Variants in NEMP2 observed in about 807,000 individuals in gnomAD.
NEMP2 encodes the protein nuclear envelope integral membrane protein 2.
NEMP2 carries 53 observed loss-of-function variants against 54.2 expected under a neutral mutation model. The ratio of observed to expected loss-of-function variants is 0.98; its 90% CI spans 0.78 to 1.23. The LOEUF is 1.23. Among genes scored for constraint, NEMP2 ranks in the 50% most tolerant of loss-of-function variants. The pLI is 0.00. For synonymous variants in NEMP2, 197 were observed against 190.3 expected, an observed-to-expected ratio of 1.04 and a Z score of -0.29; for missense variants, 455 against 511.3, an observed-to-expected ratio of 0.89 and a Z score of 1.06.
chr2:190,424,821 C>T, the NEMP2 span, among the ~76,000 whole-genome samples: 2 of 152,150 alleles, frequency 1.3e-5, no homozygotes, highest in African/African-American at 2.4e-5. The surrounding 1 kb of genome is among the most constrained non-coding windows in gnomAD (Gnocchi z 5.9). Context: ...TAATACCACA[C>T]GGTCTTAATG....
chr2:190,554,222 G>T, the NEMP2 span, among the ~76,000 whole-genome samples: 1 of 152,144 alleles, frequency 6.6e-6, no homozygotes, highest in African/African-American at 2.4e-5. The surrounding 1 kb of genome is among the most constrained non-coding windows in gnomAD (Gnocchi z 5.7). Flanking sequence ...GCACAAAACT[G>T]GGCAGCTGTT....
At chr2:190,480,344 G>A in the NEMP2 span, among the ~76,000 whole-genome samples, 1 of 152,002 alleles carries the variant, frequency 6.6e-6, no homozygotes, top group Non-Finnish European at 1.5e-5. Context: ...AATGCTTGTT[G>A]TTTAATTCAT....
Position 190,520,831 on chromosome 2 carries a change from C to A in NEMP2, c.214-1648G>T, listed in dbSNP as rs2125326229. Reference sequence around the variant, plus strand: ...TCTCCTATCTTTCCAGTGTACCCATCTAGTGCCCCAATCCCACCAAGGATC... The same window carrying A: ...TCTCCTATCTTTCCAGTGTACCCATATAGTGCCCCAATCCCACCAAGGATC... On this transcript the variant is annotated intron_variant, in intron 2 of 8. Coordinates refer to ENST00000409150, the MANE Select transcript of NEMP2 (RefSeq NM_001142645.2). This position sits in a 1 kb window ranked among gnomAD's most constrained non-coding sequence, Gnocchi z 5.4. Among the ~76,000 whole-genome samples the A allele has an allele frequency of 6.6e-6, 1 of 152,268 alleles. No homozygotes were observed. Among genetic ancestry groups the A allele is most frequent in the South Asian group, 2.1e-4 (1 of 4,818 alleles).
At chr2:190,494,593 A>G in the NEMP2 span, among the ~76,000 whole-genome samples, 1 of 152,186 alleles carries the variant, frequency 6.6e-6, no homozygotes, top group South Asian at 2.1e-4. The surrounding 1 kb of genome is among the most constrained non-coding windows in gnomAD (Gnocchi z 5.7). Flanking sequence ...CAATGCAAAA[A>G]TCCTTAACAA....
chr2:190,634,997 C>T, the NEMP2 span, among the ~76,000 whole-genome samples: 12 of 152,192 alleles, frequency 7.9e-5, no homozygotes, highest in African/African-American at 2.9e-4. This position sits in a 1 kb window ranked among gnomAD's most constrained non-coding sequence, Gnocchi z 6.8. Flanking sequence ...ATGTCTTTCA[C>T]CTAGCTTCTT....
At chr2:190,624,128 T>C in the NEMP2 span, among the ~76,000 whole-genome samples, 3 of 152,052 alleles carry the variant, frequency 2.0e-5, no homozygotes, top group Admixed American at 6.5e-5. Context: ...AAAAAGGAGT[T>C]GGGGGGCAAA....
the NEMP2 span, among the ~76,000 whole-genome samples, chr2:190,616,252 T>G: frequency 3.3e-5 from 5 of 152,036 alleles, no homozygotes; most frequent in African/African-American, 1.2e-4. The surrounding 1 kb of genome is among the most constrained non-coding windows in gnomAD (Gnocchi z 5.1). Context: ...GCCCAAATAC[T>G]GAGGGGCAAA....
the NEMP2 span, among the ~76,000 whole-genome samples, chr2:190,565,605 G>A: frequency 1.3e-5 from 2 of 152,174 alleles, no homozygotes; most frequent in Admixed American, 6.5e-5. Flanking sequence ...CCAGCCCCAC[G>A]AGGAGCACTG....
the NEMP2 span, among the ~76,000 whole-genome samples, chr2:190,602,537 C>T: frequency 1.3e-5 from 2 of 152,216 alleles, no homozygotes; most frequent in African/African-American, 4.8e-5. Flanking sequence ...CTGGGCTTCA[C>T]AGCCTATGCA....
chr2:190,520,366 G>A lies in NEMP2; in HGVS notation c.214-1183C>T, dbSNP rs1253248627. 6.6e-6 allele frequency among the ~76,000 whole-genome samples: 1 copy of A among 152,192 alleles called. No individual in the cohort carries two copies. ...ACAAAGCACTAGCTACAAGCCGATG[G>A]TGACAACCCAGTGGTCATTAAATGA... On this transcript the variant is annotated intron_variant, in intron 2 of 8. Transcript: ENST00000409150. The surrounding 1 kb of genome is among the most constrained non-coding windows in gnomAD (Gnocchi z 5.4).
At chr2:190,498,017 A>T in the NEMP2 span, 2 of 241,268 alleles carry the variant, frequency 8.3e-6, no homozygotes, top group East Asian at 1.8e-4. The surrounding 1 kb of genome is among the most constrained non-coding windows in gnomAD (Gnocchi z 5.9). Flanking sequence ...ATTTGTTTTA[A>T]ATTTCAGTAT....
chr2:190,447,761 G>C, the NEMP2 span, among the ~76,000 whole-genome samples: 3,681 of 152,212 alleles, frequency 0.024, 92 homozygotes, highest in East Asian at 0.11. The surrounding 1 kb of genome is among the most constrained non-coding windows in gnomAD (Gnocchi z 4.5). Flanking sequence ...TTAAAATACA[G>C]GTTCTCATTA....
At chr2:190,472,703 C>A in the NEMP2 span, among the ~76,000 whole-genome samples, 1 of 152,162 alleles carries the variant, frequency 6.6e-6, no homozygotes, top group Admixed American at 6.5e-5. Context: ...TCTAGCAAGG[C>A]AGGCCAACAT....
At chr2:190,572,313 G>A in the NEMP2 span, among the ~76,000 whole-genome samples, 33 of 152,100 alleles carry the variant, frequency 2.2e-4, no homozygotes, top group Non-Finnish European at 4.0e-4. Flanking sequence ...TGGACCTAAG[G>A]CAACTGCTTC....
At chr2:190,431,763 GTTCT>G in the NEMP2 span, among the ~76,000 whole-genome samples, 1 of 152,024 alleles carries the variant, frequency 6.6e-6, no homozygotes, top group African/African-American at 2.4e-5. The surrounding 1 kb of genome is among the most constrained non-coding windows in gnomAD (Gnocchi z 4.4). Context: ...TGAGCATCTT[GTTCT>G]TTATTTTCCT....
At chr2:190,517,168 T>G (rs1194137309) in intron 5 of NEMP2, among the ~76,000 whole-genome samples, 1 of 151,580 alleles carries the variant, frequency 6.6e-6, no homozygotes. Context: ...AGCAGTGCTG[T>G]TATTCAAGGC....
At chr2:190,598,060 G>A in the NEMP2 span, among the ~76,000 whole-genome samples, 1 of 152,124 alleles carries the variant, frequency 6.6e-6, no homozygotes, top group Admixed American at 6.5e-5. Flanking sequence ...GCCATCCTGT[G>A]TATTGTAGGA....
the NEMP2 span, chr2:190,607,613 C>T: frequency 6.6e-6 from 1 of 152,300 alleles, no homozygotes; most frequent in East Asian, 1.9e-4. The surrounding 1 kb of genome is among the most constrained non-coding windows in gnomAD (Gnocchi z 5.2). Flanking sequence ...ACCAAAAGCA[C>T]ATCCAACCTT....
the NEMP2 span, among the ~76,000 whole-genome samples, chr2:190,630,696 A>G: frequency 6.6e-6 from 1 of 152,154 alleles, no homozygotes. The surrounding 1 kb of genome is among the most constrained non-coding windows in gnomAD (Gnocchi z 5.5). Context: ...GATGGACTAA[A>G]TGGCTATTAT....
Sources: allele counts gnomAD v4.1 joint callset (sites outside exome capture counted in the v4.1 genomes callset), GRCh38; gene constraint gnomAD v4.1.1; non-coding constraint Gnocchi (gnomAD v3.1); transcripts MANE v1.5; gene names NCBI Gene and HGNC (gene_info 2026-07-23, HGNC 2026-07-21).